WWOX: variants seen among roughly 807,000 people sequenced by gnomAD.
WWOX encodes WW domain-containing oxidoreductase.
Under a neutral mutation model 46.2 loss-of-function variants are expected in WWOX, and 69 were observed. That is an observed-to-expected ratio of 1.49 (90% confidence interval 1.23 to 1.82). WWOX has a LOEUF of 1.82. WWOX is among the 40% of genes most tolerant of loss of function. The pLI is 0.00. For synonymous variants in WWOX, 359 were observed against 202.6 expected (o/e 1.77, Z -6.56); for missense variants, 919 against 542.6 (o/e 1.69, Z -6.89).
At chr16:79,107,511 C>A (rs1023870756) in intron 8 of WWOX, among the ~76,000 whole-genome samples, 1 of 152,232 alleles carries the variant, frequency 6.6e-6, no homozygotes, top group African/African-American at 2.4e-5. Context: ...TGCCCAAGCA[C>A]AGTGTGAAAT....
chr16:78,918,026 A>G (rs1235950233), intron 8 of WWOX, among the ~76,000 whole-genome samples: 1 of 152,010 alleles, frequency 6.6e-6, no homozygotes, highest in East Asian at 1.9e-4. Context: ...ACACAGTGAG[A>G]CCCCACCTCT....
chr16:78,594,348 G>A (rs963867588), intron 8 of WWOX, among the ~76,000 whole-genome samples: 7 of 144,174 alleles, frequency 4.9e-5, no homozygotes, highest in Admixed American at 1.5e-4. Context: ...AACCCAATCC[G>A]CTCATATTCT....
intron 8 of WWOX, among the ~76,000 whole-genome samples, chr16:78,855,561 T>G (rs959423427): frequency 2.6e-5 from 4 of 152,298 alleles, no homozygotes; most frequent in African/African-American, 4.8e-5. Flanking sequence ...CCCAAGCACT[T>G]TGATGATGTT....
intron 5 of WWOX, among the ~76,000 whole-genome samples, chr16:78,278,037 GA>G (rs2079611319): frequency 6.6e-6 from 1 of 152,102 alleles, no homozygotes; most frequent in African/African-American, 2.4e-5. Context: ...GTGAGTGGGG[GA>G]CAAAGCAATG....
chr16:78,807,384 G>C (rs755355565), intron 8 of WWOX, among the ~76,000 whole-genome samples: 47 of 152,178 alleles, frequency 3.1e-4, no homozygotes, highest in Non-Finnish European at 4.1e-4. Flanking sequence ...AACTATTCTT[G>C]TTCTTCTAAG....
chr16:79,189,321 C>T (rs1322672900), intron 8 of WWOX, among the ~76,000 whole-genome samples: 4 of 151,874 alleles, frequency 2.6e-5, no homozygotes, highest in Non-Finnish European at 2.9e-5. Context: ...ACAGTGTCAC[C>T]ATTGTGGCTC....
chr16:78,739,923 C>G (rs1272664033), intron 8 of WWOX, among the ~76,000 whole-genome samples: 1 of 152,084 alleles, frequency 6.6e-6, no homozygotes, highest in Non-Finnish European at 1.5e-5. Context: ...TTTATTATTG[C>G]TAGGATGCAT....
intron 8 of WWOX, among the ~76,000 whole-genome samples, chr16:79,132,672 T>C (rs1027605110): frequency 6.6e-6 from 1 of 152,152 alleles, no homozygotes; most frequent in Admixed American, 6.5e-5. Context: ...TGCTAAGTTA[T>C]TACTTATATT....
intron 8 of WWOX, among the ~76,000 whole-genome samples, chr16:78,799,228 C>G (rs572344292): frequency 1.3e-5 from 2 of 152,280 alleles, no homozygotes; most frequent in Non-Finnish European, 2.9e-5. Flanking sequence ...AAAAGTTCAT[C>G]TGGAGTTAGG....
At chr16:78,985,187 T>C (rs1377805894) in intron 8 of WWOX, among the ~76,000 whole-genome samples, 2 of 152,216 alleles carry the variant, frequency 1.3e-5, no homozygotes, top group Non-Finnish European at 2.9e-5. Flanking sequence ...ATGCGATTTC[T>C]TCCAGGACTT....
In WWOX at chr16:78,714,974, A is replaced by G. The variant is rs140052146; in HGVS notation, c.1056+282222A>G. Among the ~76,000 whole-genome samples the G allele has an allele frequency of 4.2e-4, 64 of 152,312 alleles. 1 individual carries two copies. In the East Asian group the frequency reaches 0.01, roughly 24 times the overall value. On this transcript the variant is annotated intron_variant, in intron 8 of 8. Coordinates refer to ENST00000566780, the MANE Select transcript of WWOX (RefSeq NM_016373.4). ...ATATCATGCGGCTGAGGACAACACT[A>G]TAACTGCTCGGTAGAGAATGGATTG...
intron 8 of WWOX, among the ~76,000 whole-genome samples, chr16:78,585,232 C>T (rs573984531): frequency 4.7e-4 from 71 of 152,316 alleles, no homozygotes; most frequent in African/African-American, 1.7e-3. Flanking sequence ...ATGTAATCTG[C>T]AAACTCAGGC....
intron 8 of WWOX, chr16:78,551,553 C>G (rs1297028714): frequency 6.6e-6 from 1 of 152,134 alleles, no homozygotes. Flanking sequence ...TAGCCTAGAC[C>G]TAAAGGATTC....
intron 8 of WWOX, among the ~76,000 whole-genome samples, chr16:78,608,788 T>C (rs1426456591): frequency 1.3e-5 from 2 of 151,824 alleles, no homozygotes; most frequent in African/African-American, 4.8e-5. Flanking sequence ...CCTCCAGGGG[T>C]TCCTGGGTTG....
intron 8 of WWOX, among the ~76,000 whole-genome samples, chr16:79,100,940 G>A (rs982179538): frequency 2.0e-5 from 3 of 151,984 alleles, no homozygotes; most frequent in African/African-American, 7.3e-5. Context: ...ATAGGGGTTA[G>A]GCGTAACGTC....
chr16:78,565,053 T>A (rs1407835177), intron 8 of WWOX, among the ~76,000 whole-genome samples: 1 of 152,166 alleles, frequency 6.6e-6, no homozygotes, highest in Non-Finnish European at 1.5e-5. Context: ...CTTGAACTGT[T>A]CTCTCCCCAG....
In WWOX at chr16:78,809,647, C is replaced by T. The variant is rs117090506; in HGVS notation, c.1056+376895C>T. 6.2e-4 allele frequency among the ~76,000 whole-genome samples: 94 copies of T among 152,152 alleles called. 2 individuals are homozygous for T. In the East Asian group the frequency reaches 0.018, roughly 29 times the overall value. The stretch of plus-strand genomic sequence containing the variant: ...GAAATTTAACCTAGTACACAGGGGC[C>T]CCCCACCCCTGTTTCCAGATGCCTT... On this transcript the variant is annotated intron_variant, in intron 8 of 8. Coordinates refer to ENST00000566780, the MANE Select transcript of WWOX (RefSeq NM_016373.4).
At chr16:78,298,337 T>C (rs2079976347) in intron 5 of WWOX, among the ~76,000 whole-genome samples, 1 of 152,102 alleles carries the variant, frequency 6.6e-6, no homozygotes, top group African/African-American at 2.4e-5. Context: ...AAAGAATGAC[T>C]TGGAAGGCCA....
chr16:78,283,979 G>A (rs187092383), intron 5 of WWOX, among the ~76,000 whole-genome samples: 120 of 152,258 alleles, frequency 7.9e-4, no homozygotes, highest in African/African-American at 2.8e-3. Flanking sequence ...TTAATATCAC[G>A]TCATGATGAA....
Sources: gnomAD v4.1 joint callset for allele counts (sites outside exome capture counted in the v4.1 genomes callset) on GRCh38, gnomAD v4.1.1 for gene constraint, MANE v1.5 for transcripts, NCBI Gene and HGNC (gene_info 2026-07-23, HGNC 2026-07-21) for gene names.